STOM: variants seen among roughly 807,000 people sequenced by gnomAD.
STOM encodes the protein erythrocyte band 7 integral membrane protein.
Under a neutral mutation model 30.6 loss-of-function variants are expected in STOM, and 25 were observed. The observed-to-expected ratio is 0.82, with a 90% confidence interval of 0.60 to 1.14. STOM has a LOEUF of 1.14. Among genes scored for constraint, STOM ranks in the 50% most tolerant of loss-of-function variants. STOM has a pLI of 0.00. For missense variants in STOM, 292 were observed against 365.2 expected, an observed-to-expected ratio of 0.80 and a Z score of 1.63; for synonymous variants, 118 against 130.8, an observed-to-expected ratio of 0.90 and a Z score of 0.67.
In STOM at chr9:121,341,193, A is replaced by G. The variant is rs1057200364; in HGVS notation, c.*9T>C. 1.2e-6 allele frequency: 2 copies of G among 1,614,122 alleles called. No individual in the cohort carries two copies. Among genetic ancestry groups the G allele is most frequent in the African/African-American group, 2.7e-5 (2 of 75,038 alleles). Reference sequence around the variant, plus strand: ...CTTCATGCTTGGAAGGCTAGCGCTCATCTCTACACTAGCCTAGATGGCTGT... The same window carrying G: ...CTTCATGCTTGGAAGGCTAGCGCTCGTCTCTACACTAGCCTAGATGGCTGT... On this transcript the variant is annotated 3_prime_UTR_variant, in exon 7 of 7. Coordinates refer to ENST00000286713, the MANE Select transcript of STOM (RefSeq NM_004099.6).
At chr9:121,367,529 ACAAT>A (rs2064516632) in intron 1 of STOM, among the ~76,000 whole-genome samples, 1 of 152,256 alleles carries the variant, frequency 6.6e-6, no homozygotes, top group South Asian at 2.1e-4. Context: ...ACTGAAATAA[ACAAT>A]CAGTCTCCCA....
At chr9:121,342,308 G>A (rs2064253194) in intron 6 of STOM, among the ~76,000 whole-genome samples, 1 of 150,988 alleles carries the variant, frequency 6.6e-6, no homozygotes, top group Admixed American at 6.6e-5. Flanking sequence ...AGGTTGCAGT[G>A]AGCCGAGATC....
intron 1 of STOM, 102 bp downstream of exon 1, chr9:121,370,025 A>T: frequency 8.8e-7 from 1 of 1,131,380 alleles, no homozygotes; most frequent in Middle Eastern, 3.0e-4. Context: ...GCCCAGCCCG[A>T]AGCAGCGGAG....
intron 6 of STOM, among the ~76,000 whole-genome samples, chr9:121,343,419 T>A (rs2064263146): frequency 6.6e-6 from 1 of 152,124 alleles, no homozygotes; most frequent in Non-Finnish European, 1.5e-5. Flanking sequence ...TCCCTAGCCT[T>A]CTTCAGCTCC....
At chr9:121,356,517 A>G (rs1014969241) in intron 1 of STOM, among the ~76,000 whole-genome samples, 3 of 152,198 alleles carry the variant, frequency 2.0e-5, no homozygotes, top group African/African-American at 7.2e-5. Context: ...CATAATTATA[A>G]TATTAGGTGG....
chr9:121,339,428 C>T lies in STOM; in HGVS notation c.*1774G>A. ...TGCAACTTGAGTTTAAGTTGCACTG[C>T]TCCATACCTCTAATAAACTCAGCTA... On this transcript the variant is annotated 3_prime_UTR_variant, in exon 7 of 7. Coordinates refer to ENST00000286713, the MANE Select transcript of STOM (RefSeq NM_004099.6). 2.6e-6 allele frequency: 2 copies of T among 769,258 alleles called. No homozygotes were observed. The highest frequency in any genetic ancestry group is 1.7e-6 in the Non-Finnish European group (1 of 571,582). The allele number at this position is 769,258 out of a possible 1,614,324, so 47.7% of individuals were successfully genotyped here.
At chr9:121,351,499 G>C (rs923422465) in intron 4 of STOM, among the ~76,000 whole-genome samples, 6 of 152,226 alleles carry the variant, frequency 3.9e-5, no homozygotes, top group African/African-American at 1.4e-4. Flanking sequence ...TGAGTATCTG[G>C]CCTTTGGCCA....
intron 6 of STOM, among the ~76,000 whole-genome samples, chr9:121,343,553 C>T (rs923351761): frequency 3.9e-5 from 6 of 152,050 alleles, no homozygotes; most frequent in African/African-American, 1.2e-4. Context: ...CAGAGGGTGA[C>T]GTGGTGAGGT....
At chr9:121,350,051 A>G (rs1404006171) in intron 4 of STOM, among the ~76,000 whole-genome samples, 1 of 152,232 alleles carries the variant, frequency 6.6e-6, no homozygotes, top group East Asian at 1.9e-4. Flanking sequence ...AGTGCTCAGA[A>G]AAGTTCCTGG....
Position 121,339,120 on chromosome 9 carries a change from G to C in STOM, c.*2082C>G, listed in dbSNP as rs1464731087. ...CTTTATTATGTACATTGTTGGAAAG[G>C]GAGGCCACCTGGAGAAACTTCTGCA... is the stretch of plus-strand genomic sequence containing the variant. On this transcript the variant is annotated 3_prime_UTR_variant, in exon 7 of 7. Transcript: ENST00000286713. 6.6e-6 allele frequency: 1 copy of C among 152,352 alleles called. No homozygotes were observed. The highest frequency in any genetic ancestry group is 2.4e-5 in the African/African-American group (1 of 41,440). 9.4% of individuals were successfully genotyped at this position (152,352 alleles called of 1,614,324 possible). A position where few individuals can be genotyped will look rare whatever the true frequency, so the allele number is the denominator to read the frequency against.
In STOM at chr9:121,349,100, A is replaced by C; in HGVS notation, c.525+20T>G. 1 of 1,610,558 alleles carries C rather than the reference A, an allele frequency of 6.2e-7. No homozygotes were observed. The highest frequency in any genetic ancestry group is 8.5e-7 in the Non-Finnish European group (1 of 1,177,162). ...CATTTTTCAGCTTCTGGGGGGTAAC[A>C]GCATTGACGTACTCCCCACCTGCAT... is the stretch of plus-strand genomic sequence containing the variant. On this transcript the variant is annotated intron_variant, in intron 5 of 6. Coordinates refer to ENST00000286713, the MANE Select transcript of STOM (RefSeq NM_004099.6).
At position 121,349,303 on chromosome 9, in the gene STOM, C is replaced by T; in HGVS notation, c.342G>A (p.Val114=). The T allele has an allele frequency of 6.2e-7, 1 of 1,614,026 alleles. No individual in the cohort carries two copies. The change falls in exon 5 of 7, where the codon GTG becomes GTA. Residue 114 remains valine (V), a synonymous_variant. Transcript: ENST00000286713. ...AGACCACACCATCCACGCTAATTGTCACTGAATCCTTTGTGAGGATCTACA... is the reference window on the plus strand; with the variant it reads ...AGACCACACCATCCACGCTAATTGTTACTGAATCCTTTGTGAGGATCTACA... The part of the protein sequence containing the change: ...PPQEILTKDS[V]TISVDGVVYY...
chr9:121,368,333 A>G (rs1340867547), intron 1 of STOM, among the ~76,000 whole-genome samples: 1 of 152,214 alleles, frequency 6.6e-6, no homozygotes, highest in East Asian at 1.9e-4. Flanking sequence ...TACAAAGATC[A>G]TGTTGATTCT....
At chr9:121,348,301 C>T in intron 5 of STOM, 152 bp from the exon 6 acceptor site, 1 of 1,061,866 alleles carries the variant, frequency 9.4e-7, no homozygotes, top group Non-Finnish European at 1.4e-6. Context: ...GACGCAGGGG[C>T]TGGCTCACTG....
chr9:121,349,111 A>C lies in STOM; in HGVS notation c.525+9T>G, dbSNP rs1471057146. Reference sequence around the variant, plus strand: ...TTCTGGGGGGTAACAGCATTGACGTACTCCCCACCTGCATGTTGTGTGCAA... The same window carrying C: ...TTCTGGGGGGTAACAGCATTGACGTCCTCCCCACCTGCATGTTGTGTGCAA... On this transcript the variant is annotated intron_variant, in intron 5 of 6. Coordinates refer to ENST00000286713, the MANE Select transcript of STOM (RefSeq NM_004099.6). 6.2e-7 allele frequency: 1 copy of C among 1,613,526 alleles called. No homozygotes were observed. The highest frequency in any genetic ancestry group is 8.5e-7 in the Non-Finnish European group (1 of 1,179,744).
At position 121,356,176 on chromosome 9, in the gene STOM, T is replaced by C. The variant is rs775771948; in HGVS notation, c.62-20A>G. 37 of 1,596,154 alleles carry C rather than the reference T, an allele frequency of 2.3e-5. No homozygotes were observed. Among genetic ancestry groups the C allele is most frequent in the Non-Finnish European group, 3.2e-5 (37 of 1,164,922 alleles). ...GGCTGTCTGTTGAAAACAAAAAATATACAACTCTCACAACTGTTACTAGCA... is the reference window on the plus strand; with the variant it reads ...GGCTGTCTGTTGAAAACAAAAAATACACAACTCTCACAACTGTTACTAGCA... On this transcript the variant is annotated intron_variant, in intron 1 of 6. Coordinates refer to ENST00000286713, the MANE Select transcript of STOM (RefSeq NM_004099.6).
chr9:121,368,358 C>T (rs1024313024), intron 1 of STOM, among the ~76,000 whole-genome samples: 1 of 152,142 alleles, frequency 6.6e-6, no homozygotes, highest in African/African-American at 2.4e-5. Context: ...GAACTCCAAG[C>T]AGATTTGCCA....
At chr9:121,352,899 T>C (rs542632453) in intron 4 of STOM, among the ~76,000 whole-genome samples, 2 of 152,260 alleles carry the variant, frequency 1.3e-5, no homozygotes, top group Admixed American at 1.3e-4. Flanking sequence ...GAGACCAGCC[T>C]GGCCAACATG....
chr9:121,344,532 C>T (rs1231611724), intron 6 of STOM, among the ~76,000 whole-genome samples: 2 of 152,200 alleles, frequency 1.3e-5, no homozygotes, highest in African/African-American at 4.8e-5. Flanking sequence ...TAAATACAGG[C>T]CAAGTACACT....
Sources: allele counts gnomAD v4.1 joint callset (sites outside exome capture counted in the v4.1 genomes callset), GRCh38; gene constraint gnomAD v4.1.1; transcripts MANE v1.5; gene names NCBI Gene and HGNC (gene_info 2026-07-23, HGNC 2026-07-21).